Variants in EDDM13 observed in about 807,000 individuals in gnomAD.
EDDM13 encodes the protein epididymal protein 13.
EDDM13 carries 24 observed loss-of-function variants against 17.8 expected under a neutral mutation model. The observed-to-expected ratio is 1.35, with a 90% confidence interval of 0.98 to 1.90. The LOEUF is 1.90. Ranked by LOEUF, EDDM13 falls within the 40% of genes most tolerant of loss-of-function variation. The pLI is 0.00. For synonymous variants in EDDM13, 31 were observed against 37.5 expected (o/e 0.83, Z 0.63); for missense variants, 97 against 100.8 (o/e 0.96, Z 0.16).
chr19:56,294,195 C>T (rs901426854), intron 9 of EDDM13, among the ~76,000 whole-genome samples: 7 of 152,230 alleles, frequency 4.6e-5, no homozygotes, highest in African/African-American at 1.7e-4. Flanking sequence ...CCAAACCCAG[C>T]AGGAAAATCC....
chr19:56,274,111 AC>A (rs1379895236), intron 1 of EDDM13, among the ~76,000 whole-genome samples: 1 of 152,172 alleles, frequency 6.6e-6, no homozygotes, highest in African/African-American at 2.4e-5. Flanking sequence ...CTTTATACAT[AC>A]ATGTATTTGC....
chr19:56,284,911 A>C (rs1382085446), intron 5 of EDDM13, 87 bp from the exon 6 acceptor site: 1 of 605,202 alleles, frequency 1.7e-6, no homozygotes, highest in East Asian at 1.4e-4. Flanking sequence ...AGAGTTTGTT[A>C]CATCTGTTGA....
intron 9 of EDDM13, among the ~76,000 whole-genome samples, 54 bp downstream of exon 9, chr19:56,290,900 A>G (rs1331099511): frequency 6.6e-6 from 1 of 152,116 alleles, no homozygotes; most frequent in Non-Finnish European, 1.5e-5. Flanking sequence ...GGTGCTGGGA[A>G]GAAGAGGCAA....
intron 1 of EDDM13, among the ~76,000 whole-genome samples, chr19:56,275,387 T>C (rs1368213079): frequency 4.6e-5 from 7 of 152,186 alleles, no homozygotes; most frequent in African/African-American, 1.7e-4. Context: ...TTCTTCTCCA[T>C]TTATTTATTC....
intron 3 of EDDM13, 97 bp downstream of exon 3, chr19:56,281,795 C>G: frequency 3.0e-6 from 2 of 658,136 alleles, no homozygotes; most frequent in Non-Finnish European, 3.8e-6. Flanking sequence ...TGCTGACGAT[C>G]ACATTCAACC....
Position 56,288,403 on chromosome 19 carries a change from C to T in EDDM13, c.173C>T (p.Thr58Ile), listed in dbSNP as rs1019687280. Reference sequence around the variant, plus strand: ...CTTCCAGGTCTCAGACACAACATCACTTCCCTCAAGATGCCTCCCCTGGTG... The same window carrying T: ...CTTCCAGGTCTCAGACACAACATCATTTCCCTCAAGATGCCTCCCCTGGTG... ...LSPDGLRHNITSLKMPPLVSP... is the reference protein window; with the variant it reads ...LSPDGLRHNIISLKMPPLVSP... The change falls in exon 7 of 15, where the codon ACT (threonine) becomes ATT (isoleucine). Residue 58 changes from threonine (T) to isoleucine (I), a missense_variant. Transcript: ENST00000649256. 6.6e-6 allele frequency among the ~76,000 whole-genome samples: 1 copy of T among 152,206 alleles called. No homozygotes were observed. The highest frequency in any genetic ancestry group is 2.4e-5 in the African/African-American group (1 of 41,444).
rs1257556393 is a variant in EDDM13, at chr19:56,307,851, C to G, written c.462-2273C>G. ...TTTTTGAAATGAAAATCAAAGCAAA[C>G]CTTTGTGGAATTCCTAAAAGATCCC... On this transcript the variant is annotated intron_variant, in intron 14 of 14. Coordinates refer to ENST00000649256, the MANE Select transcript of EDDM13 (RefSeq NM_001354658.2). Among the ~76,000 whole-genome samples the G allele has an allele frequency of 3.3e-5, 5 of 152,292 alleles. No homozygotes were observed. The South Asian group carries it at 6.2e-4, about 19-fold the overall frequency.
At chr19:56,301,421 A>T (rs2040222342) in intron 12 of EDDM13, among the ~76,000 whole-genome samples, 1 of 152,022 alleles carries the variant, frequency 6.6e-6, no homozygotes, top group Non-Finnish European at 1.5e-5. Context: ...TTAGCCTGCT[A>T]ATGCATTATA....
chr19:56,274,179 C>T lies in EDDM13; in HGVS notation c.85+1260C>T, dbSNP rs143426044. Among the ~76,000 whole-genome samples, 62 of 152,110 alleles carry T rather than the reference C, an allele frequency of 4.1e-4. No homozygotes were observed. The East Asian group carries it at 0.011, about 28-fold the overall frequency. On this transcript the variant is annotated intron_variant, in intron 1 of 14. Coordinates refer to ENST00000649256, the MANE Select transcript of EDDM13 (RefSeq NM_001354658.2). ...ATGAGAAAACTCTGTAGAGGTCGGG[C>T]GCGGTGGCTCACACCTGTAATCCCA... is the stretch of plus-strand genomic sequence containing the variant.
intron 9 of EDDM13, among the ~76,000 whole-genome samples, chr19:56,293,290 C>T (rs185429146): frequency 1.1e-4 from 16 of 152,254 alleles, no homozygotes; most frequent in Non-Finnish European, 2.1e-4. Flanking sequence ...GAGGGAGAGT[C>T]GCTTGCTCAT....
chr19:56,293,004 G>T (rs1397969036), intron 9 of EDDM13, among the ~76,000 whole-genome samples: 1 of 152,040 alleles, frequency 6.6e-6, no homozygotes, highest in African/African-American at 2.4e-5. Flanking sequence ...TTCGGCTGAG[G>T]ACACACTCTT....
intron 2 of EDDM13, among the ~76,000 whole-genome samples, 123 bp downstream of exon 2, chr19:56,276,232 T>C (rs1201418890): frequency 6.6e-6 from 1 of 152,216 alleles, no homozygotes; most frequent in Non-Finnish European, 1.5e-5. Context: ...TGCACAGACC[T>C]GCCATGGGGT....
At chr19:56,308,074 G>A (rs926918074) in intron 14 of EDDM13, among the ~76,000 whole-genome samples, 2 of 152,098 alleles carry the variant, frequency 1.3e-5, no homozygotes, top group Non-Finnish European at 2.9e-5. Context: ...TCGCTCTGTC[G>A]CCAGGCTGGA....
intron 13 of EDDM13, among the ~76,000 whole-genome samples, chr19:56,302,579 CCCCCTTTTCT>C (rs2040376391): frequency 1.0e-5 from 1 of 95,326 alleles, no homozygotes; most frequent in South Asian, 5.2e-4. Flanking sequence ...TTTTCTTCCT[CCCCCTTTTCT>C]TCCTCTCCCT....
intron 4 of EDDM13, chr19:56,283,960 T>A (rs998951490): frequency 6.5e-6 from 1 of 152,732 alleles, no homozygotes; most frequent in African/African-American, 2.4e-5. Context: ...CTTCCCTGCA[T>A]CAAATGCACG....
chr19:56,286,081 G>C (rs1174978434), intron 6 of EDDM13, among the ~76,000 whole-genome samples: 1 of 152,136 alleles, frequency 6.6e-6, no homozygotes, highest in Non-Finnish European at 1.5e-5. Flanking sequence ...GAGTGCAGTG[G>C]TGAGATCTCA....
chr19:56,277,672 T>G (rs888293281), intron 2 of EDDM13, among the ~76,000 whole-genome samples: 2 of 152,110 alleles, frequency 1.3e-5, no homozygotes, highest in Admixed American at 1.3e-4. Flanking sequence ...AATTGCATGG[T>G]ATGTGAATTA....
At chr19:56,278,468 C>T (rs374876228) in intron 2 of EDDM13, among the ~76,000 whole-genome samples, 49 of 152,312 alleles carry the variant, frequency 3.2e-4, no homozygotes, top group African/African-American at 1.1e-3. Context: ...AAATGAAAAT[C>T]TAATCTCACA....
At chr19:56,284,084 C>G (rs984153039) in intron 4 of EDDM13, 114 bp from the exon 5 acceptor site, 1 of 778,840 alleles carries the variant, frequency 1.3e-6, no homozygotes, top group African/African-American at 1.9e-5. Flanking sequence ...CATCTGACCT[C>G]GTTTTTGGTT....
Sources: allele counts gnomAD v4.1 joint callset (sites outside exome capture counted in the v4.1 genomes callset), GRCh38; gene constraint gnomAD v4.1.1; transcripts MANE v1.5; gene names NCBI Gene and HGNC (gene_info 2026-07-23, HGNC 2026-07-21).